VPS13B: variants seen among roughly 807,000 people sequenced by gnomAD.
The protein encoded by VPS13B is intermembrane lipid transfer protein VPS13B.
VPS13B carries 285 observed loss-of-function variants against 426.4 expected under a neutral mutation model. The ratio of observed to expected loss-of-function variants is 0.67; its 90% confidence interval spans 0.61 to 0.74. VPS13B has a LOEUF of 0.74. VPS13B is among the 30% of genes least tolerant of loss of function. The probability of loss-of-function intolerance (pLI) is 0.00; values close to 1 mark genes in which losing one functional copy is unlikely to be tolerated. For missense variants in VPS13B, 4,537 were observed against 4,782.6 expected, an observed-to-expected ratio of 0.95 and a Z score of 1.51; for synonymous variants, 1,676 against 1,676.4, an observed-to-expected ratio of 1.00 and a Z score of 0.01.
chr8:99,199,963 G>A (rs769347496), intron 17 of VPS13B, among the ~76,000 whole-genome samples: 56 of 151,966 alleles, frequency 3.7e-4, no homozygotes, highest in Middle Eastern at 3.4e-3. Context: ...TATTCACAGA[G>A]TTGTATATCC....
intron 17 of VPS13B, among the ~76,000 whole-genome samples, chr8:99,270,056 A>G (rs1818494019): frequency 6.7e-6 from 1 of 150,054 alleles, no homozygotes; most frequent in Non-Finnish European, 1.5e-5. Flanking sequence ...TGTAAAGTTA[A>G]AAGTGTCAAA....
intron 43 of VPS13B, among the ~76,000 whole-genome samples, chr8:99,790,367 A>G (rs1162558060): frequency 6.6e-6 from 1 of 152,160 alleles, no homozygotes; most frequent in Non-Finnish European, 1.5e-5. Context: ...GTAGCTGTTT[A>G]TTTAGTCTCC....
chr8:99,715,709 G>T (rs1181462485), intron 36 of VPS13B, among the ~76,000 whole-genome samples: 1 of 152,142 alleles, frequency 6.6e-6, no homozygotes, highest in African/African-American at 2.4e-5. Flanking sequence ...GAAAATAAAG[G>T]ATGATGCAAT....
chr8:99,793,380 C>G (rs761031876), intron 43 of VPS13B, among the ~76,000 whole-genome samples: 45 of 150,926 alleles, frequency 3.0e-4, no homozygotes, highest in Non-Finnish European at 5.5e-4. Flanking sequence ...ATTTTGAAAG[C>G]AGCCAGAGGA....
chr8:99,110,891 G>A (rs987316508), intron 5 of VPS13B, among the ~76,000 whole-genome samples: 1 of 151,848 alleles, frequency 6.6e-6, no homozygotes, highest in Non-Finnish European at 1.5e-5. Flanking sequence ...GGGGAGAATT[G>A]TGCCTATTTC....
chr8:99,593,285 A>G (rs777649325), intron 33 of VPS13B, among the ~76,000 whole-genome samples: 3 of 152,086 alleles, frequency 2.0e-5, no homozygotes, highest in Non-Finnish European at 4.4e-5. Flanking sequence ...TAAGACATAC[A>G]TGTGGTCAAG....
chr8:99,472,931 T>C (rs1210201854), intron 24 of VPS13B, among the ~76,000 whole-genome samples: 2 of 152,048 alleles, frequency 1.3e-5, no homozygotes, highest in African/African-American at 2.4e-5. Flanking sequence ...GAAATTTTCA[T>C]TGGAAAAGAA....
chr8:99,067,348 A>G (rs1030101635), intron 3 of VPS13B, among the ~76,000 whole-genome samples: 6 of 152,216 alleles, frequency 3.9e-5, no homozygotes, highest in African/African-American at 9.6e-5. Flanking sequence ...TTGTAGGGAC[A>G]TGGATGCAGC....
intron 17 of VPS13B, among the ~76,000 whole-genome samples, chr8:99,202,233 T>C (rs1206945583): frequency 6.6e-6 from 1 of 152,164 alleles, no homozygotes; most frequent in Non-Finnish European, 1.5e-5. Flanking sequence ...TAGATATTGA[T>C]GAGAAAAGAA....
intron 23 of VPS13B, among the ~76,000 whole-genome samples, chr8:99,455,383 G>T (rs1440635076): frequency 6.6e-6 from 1 of 152,052 alleles, no homozygotes; most frequent in Non-Finnish European, 1.5e-5. Context: ...GGCTTCTGGG[G>T]AGGCCTCAGG....
chr8:99,503,718 C>T lies in VPS13B; in HGVS notation c.4157+768C>T, dbSNP rs1821352682. On this transcript the variant is annotated intron_variant, in intron 27 of 61. Coordinates refer to ENST00000357162, the MANE Select transcript of VPS13B (RefSeq NM_152564.5). ...TCATGAGATTATAGCAATTCAGCCC[C>T]ATCTTTAGGCTCCACTCCTAATTCT... Among the ~76,000 whole-genome samples the T allele has an allele frequency of 2.0e-5, 3 of 152,198 alleles. No homozygotes were observed. The South Asian group carries it at 6.2e-4, about 32-fold the overall frequency.
chr8:99,537,071 T>A (rs545023143), intron 30 of VPS13B, among the ~76,000 whole-genome samples: 10 of 152,326 alleles, frequency 6.6e-5, no homozygotes, highest in African/African-American at 2.4e-4. Context: ...ATGTTTTGAT[T>A]TTTTAATCCT....
chr8:99,287,881 A>G (rs1819529531), intron 19 of VPS13B, among the ~76,000 whole-genome samples: 1 of 152,056 alleles, frequency 6.6e-6, no homozygotes, highest in South Asian at 2.1e-4. Context: ...ATGAATTAGT[A>G]CAGAGCCTCT....
chr8:99,316,958 C>A (rs1809699665), intron 19 of VPS13B, among the ~76,000 whole-genome samples: 1 of 152,104 alleles, frequency 6.6e-6, no homozygotes, highest in Non-Finnish European at 1.5e-5. Context: ...AATGTCGAAT[C>A]TTGATATTAT....
At chr8:99,614,308 G>A (rs370793197) in intron 33 of VPS13B, among the ~76,000 whole-genome samples, 11 of 151,076 alleles carry the variant, frequency 7.3e-5, no homozygotes, top group Non-Finnish European at 1.0e-4. Flanking sequence ...ATGGAGTTTC[G>A]CTCTTGTTGC....
At chr8:99,033,722 C>T (rs759479931) in intron 2 of VPS13B, among the ~76,000 whole-genome samples, 5 of 151,826 alleles carry the variant, frequency 3.3e-5, no homozygotes, top group Non-Finnish European at 5.9e-5. Flanking sequence ...ATGGTGAAAC[C>T]GCATCTCTAC....
At chr8:99,313,766 G>T (rs1024381996) in intron 19 of VPS13B, among the ~76,000 whole-genome samples, 1 of 152,174 alleles carries the variant, frequency 6.6e-6, no homozygotes, top group African/African-American at 2.4e-5. Context: ...GTCCCCAGAG[G>T]TGGAGTCTAC....
chr8:99,648,949 CT>C lies in VPS13B; in HGVS notation c.5908+6463del, dbSNP rs200664737. Among the ~76,000 whole-genome samples the C allele has an allele frequency of 1.5e-3, 216 of 146,300 alleles. 3 individuals are homozygous for C. The highest frequency in any genetic ancestry group is 6.5e-3 in the East Asian group (32 of 4,948). On this transcript the variant is annotated intron_variant, in intron 34 of 61. Coordinates refer to ENST00000357162, the MANE Select transcript of VPS13B (RefSeq NM_152564.5). ...ACTGTTTTCCTTCATCTGCGAGTAC[CT>C]TTTTTTTTTTTCTCTCATTCCTGAA... is the stretch of plus-strand genomic sequence containing the variant.
At chr8:99,868,603 C>T (rs772303485) in intron 59 of VPS13B, 138 bp downstream of exon 59, 6 of 1,032,720 alleles carry the variant, frequency 5.8e-6, no homozygotes, top group Non-Finnish European at 8.6e-6. Context: ...CTTATTTACA[C>T]AGAGTAGAAT....
Sources: allele counts gnomAD v4.1 joint callset (sites outside exome capture counted in the v4.1 genomes callset), GRCh38; gene constraint gnomAD v4.1.1; transcripts MANE v1.5; gene names NCBI Gene and HGNC (gene_info 2026-07-23, HGNC 2026-07-21).